The following BRD3 variants were observed in gnomAD, a reference collection of about 807,000 sequenced individuals.
The protein encoded by BRD3 is bromodomain-containing protein 3.
In BRD3, 17 loss-of-function variants were observed where a neutral mutation model predicts 66.8. The observed-to-expected ratio is 0.25, with a 90% CI of 0.17 to 0.38. BRD3 has a LOEUF of 0.38. Among genes scored for constraint, BRD3 ranks in the 10% least tolerant of loss-of-function variants. The probability of loss-of-function intolerance (pLI) is 1.00; values close to 1 mark genes in which losing one functional copy is unlikely to be tolerated. For synonymous variants in BRD3, 421 were observed against 393.2 expected, an observed-to-expected ratio of 1.07 and a Z score of -0.84; for missense variants, 713 against 956.1, an observed-to-expected ratio of 0.75 and a Z score of 3.35.
chr9:134,054,256 C>T (rs1346800690), intron 1 of BRD3: 4 of 152,104 alleles, frequency 2.6e-5, no homozygotes, highest in African/African-American at 9.7e-5. Flanking sequence ...ACCCTGCCGA[C>T]CTCCACACCC....
rs998247129 is a variant in BRD3, at chr9:134,045,094, T to C, written c.1215+199A>G. On this transcript the variant is annotated intron_variant, in intron 7 of 11. Coordinates refer to ENST00000303407, the MANE Select transcript of BRD3 (RefSeq NM_007371.4). This position sits in a 1 kb window ranked among gnomAD's most constrained non-coding sequence, Gnocchi z 4.8. ...GGTCCCACCTGCTCGCTGGCTGCCCTGCCCCAGTGGCAGCTCCTGGAACCC... is the reference window on the plus strand; with the variant it reads ...GGTCCCACCTGCTCGCTGGCTGCCCCGCCCCAGTGGCAGCTCCTGGAACCC... Among the ~76,000 whole-genome samples the C allele has an allele frequency of 1.3e-5, 2 of 152,178 alleles. No homozygotes were observed. The highest frequency in any genetic ancestry group is 4.8e-5 in the African/African-American group (2 of 41,450).
chr9:134,059,929 C>G (rs1333853794), intron 1 of BRD3, among the ~76,000 whole-genome samples: 1 of 152,218 alleles, frequency 6.6e-6, no homozygotes, highest in Non-Finnish European at 1.5e-5. Context: ...GCGGTGGGTC[C>G]TTGGGGGACA....
intron 1 of BRD3, among the ~76,000 whole-genome samples, chr9:134,055,072 G>A (rs1414485768): frequency 1.3e-5 from 2 of 152,052 alleles, no homozygotes; most frequent in Admixed American, 1.3e-4. Context: ...CACCGACCCG[G>A]TGCTCACAGC....
At chr9:134,049,463 T>A (rs563052722) in intron 5 of BRD3, among the ~76,000 whole-genome samples, 27 of 152,290 alleles carry the variant, frequency 1.8e-4, no homozygotes, top group African/African-American at 6.3e-4. Flanking sequence ...GAGCCGGCTA[T>A]CCACAAACAC....
chr9:134,042,891 G>A lies in BRD3; in HGVS notation c.1216-940C>T, dbSNP rs571133257. 4.0e-5 allele frequency among the ~76,000 whole-genome samples: 6 copies of A among 151,414 alleles called. No homozygotes were observed. In the East Asian group the frequency reaches 1.2e-3, roughly 30 times the overall value. On this transcript the variant is annotated intron_variant, in intron 7 of 11. Coordinates refer to ENST00000303407, the MANE Select transcript of BRD3 (RefSeq NM_007371.4). ...GTCTTGCTCTTTTGCCCAGGCTGGA[G>A]TGCAATGGCATGATCTCAGCTCACT...
At chr9:134,036,809 C>T (rs1372707063) in intron 9 of BRD3, among the ~76,000 whole-genome samples, 2 of 151,626 alleles carry the variant, frequency 1.3e-5, no homozygotes, top group Non-Finnish European at 2.9e-5. Context: ...TAGGTCGAGA[C>T]CATCCTGGCT....
Position 134,057,664 on chromosome 9 carries a change from A to G in BRD3, c.-113-4074T>C, listed in dbSNP as rs923483670. The G allele has an allele frequency of 1.3e-5, 2 of 152,270 alleles. 1 individual carries two copies. The highest frequency in any genetic ancestry group is 4.8e-5 in the African/African-American group (2 of 41,458). 9.4% of individuals were successfully genotyped at this position (152,270 alleles called of 1,614,324 possible). A position where few individuals can be genotyped will look rare whatever the true frequency, so the allele number is the denominator to read the frequency against. On this transcript the variant is annotated intron_variant, in intron 1 of 11. Transcript: ENST00000303407. ...AAAGGCTTTGGGACACAAAGCACTC[A>G]GCAGTCGGCAGTGGAGGCACAGCCC...
intron 6 of BRD3, among the ~76,000 whole-genome samples, chr9:134,047,200 T>C (rs909543923): frequency 6.6e-6 from 1 of 152,384 alleles, no homozygotes; most frequent in African/African-American, 2.4e-5. Flanking sequence ...CAGCAGATCC[T>C]GCCTCAGGTA....
At chr9:134,063,505 A>G (rs1197473597) in intron 1 of BRD3, among the ~76,000 whole-genome samples, 10 of 152,132 alleles carry the variant, frequency 6.6e-5, no homozygotes, top group Non-Finnish European at 1.5e-4. Flanking sequence ...CAGGGAGGGC[A>G]TCCTCTCAGC....
chr9:134,048,981 GCAGCCCAAC>G (rs371126123), intron 5 of BRD3, among the ~76,000 whole-genome samples: 53 of 152,306 alleles, frequency 3.5e-4, no homozygotes, highest in African/African-American at 1.2e-3. Flanking sequence ...AGGGCAAGGG[GCAGCCCAAC>G]CAGGAGGCAT....
intron 3 of BRD3, among the ~76,000 whole-genome samples, 181 bp from the exon 4 acceptor site, chr9:134,051,890 T>TGTGTGTA (rs1564555926): frequency 2.2e-5 from 2 of 89,888 alleles, no homozygotes; most frequent in African/African-American, 1.3e-4. Context: ...GTTTTTTTTG[T>TGTGTGTA]TTTTTTTTTT....
chr9:134,048,349 T>G lies in BRD3; in HGVS notation c.820A>C (p.Lys274Gln), dbSNP rs1321690570. 27 of 1,599,194 alleles carry G rather than the reference T, an allele frequency of 1.7e-5. No homozygotes were observed. The Admixed American group carries it at 4.3e-4, about 26-fold the overall frequency. ...CCACTCTCCCGCCGGGCCACCACTT[T>G]GGCCTGCTTGGGGTCTGACAACGGC... ...PPPLSDPKQA[K>Q]VVARRESGGR... Residue 274 changes from lysine (K) to glutamine (Q), a missense_variant, in exon 6 of 12, where the codon AAA (lysine) becomes CAA (glutamine). Lys to Gln is a moderately conservative substitution (Grantham distance 53). Transcript: ENST00000303407.
rs199832883 is a variant in BRD3, at chr9:134,048,170, G to A, written c.999C>T (p.Pro333=). Residue 333 remains proline (P), a synonymous_variant, in exon 6 of 12, where the codon CCC becomes CCT. Transcript: ENST00000303407. ...LSKKHAAYAW[P]FYKPVDAEAL... ...CCTCGGCATCCACTGGCTTGTAGAA[G>A]GGCCAGGCGTAGGCCGCGTGCTTCT... 1.2e-6 allele frequency: 2 copies of A among 1,611,908 alleles called. No homozygotes were observed. The highest frequency in any genetic ancestry group is 1.7e-6 in the Non-Finnish European group (2 of 1,179,522).
At chr9:134,066,555 G>A (rs1271516651) in intron 1 of BRD3, among the ~76,000 whole-genome samples, 1 of 85,926 alleles carries the variant, frequency 1.2e-5, no homozygotes, top group East Asian at 3.1e-4. Context: ...ATACTACATG[G>A]ACCCAGGAAA....
rs1255528035 is a variant in BRD3 at position 134,036,245 on chromosome 9, C to T, written c.1723G>A (p.Asp575Asn). 5 of 1,614,058 alleles carry T rather than the reference C, an allele frequency of 3.1e-6. No homozygotes were observed. The highest frequency in any genetic ancestry group is 4.2e-6 in the Non-Finnish European group (5 of 1,180,044). Residue 575 changes from aspartate to asparagine, a missense_variant, in exon 10 of 12, where the codon GAT (aspartate) becomes AAT (asparagine). By Grantham distance (23) the Asp-to-Asn change is conservative. Around this residue, in one of 5 missense-constraint regions of BRD3, gnomAD observed 418 missense variants for 609.3 expected, o/e 0.69. Coordinates refer to ENST00000303407, the MANE Select transcript of BRD3 (RefSeq NM_007371.4). ...TCCAGGCTAAGCTGGCGCTTTTCAT[C>T]GTAGCTCATGGGCAGGCCCTCCTCC... is the stretch of plus-strand genomic sequence containing the variant. ...EEEEGLPMSYDEKRQLSLDIN... is the reference protein window; with the variant it reads ...EEEEGLPMSYNEKRQLSLDIN...
At chr9:134,050,723 T>C (rs914437053) in intron 4 of BRD3, 135 bp from the exon 5 acceptor site, 8 of 688,922 alleles carry the variant, frequency 1.2e-5, no homozygotes, top group South Asian at 1.8e-5. Flanking sequence ...GAACCCTCCA[T>C]GCTGAGATGC....
chr9:134,059,866 C>T (rs548314249), intron 1 of BRD3, among the ~76,000 whole-genome samples: 51 of 152,346 alleles, frequency 3.3e-4, no homozygotes, highest in African/African-American at 1.2e-3. Flanking sequence ...GCAGCAGCAG[C>T]AGCAGCCTTG....
chr9:134,040,346 AG>A, intron 8 of BRD3, 77 bp from the exon 9 acceptor site: 1 of 1,503,096 alleles, frequency 6.7e-7, no homozygotes, highest in Non-Finnish European at 8.9e-7. Flanking sequence ...CTGGGATTGG[AG>A]GGGGCTTGGG....
intron 1 of BRD3, among the ~76,000 whole-genome samples, chr9:134,061,718 C>G (rs1376285235): frequency 4.6e-5 from 7 of 152,184 alleles, no homozygotes; most frequent in Admixed American, 4.6e-4. Flanking sequence ...AGGGGACGCT[C>G]AGAGGTGAAG....
Sources: allele counts gnomAD v4.1 joint callset (sites outside exome capture counted in the v4.1 genomes callset), GRCh38; gene constraint gnomAD v4.1.1; regional missense constraint gnomAD v4.1.1; non-coding constraint Gnocchi (gnomAD v3.1); transcripts MANE v1.5; gene names NCBI Gene and HGNC (gene_info 2026-07-23, HGNC 2026-07-21).